FAM20C: variants seen among roughly 807,000 people sequenced by gnomAD.
FAM20C encodes FAM20C golgi associated secretory pathway kinase, also known as extracellular serine/threonine protein kinase FAM20C.
A neutral mutation model predicts 51.5 loss-of-function variants in FAM20C; 40 were observed. That is an observed-to-expected ratio of 0.78 (90% CI 0.60 to 1.01). The LOEUF (loss-of-function observed/expected upper bound fraction) is 1.01. Ranked by LOEUF, FAM20C falls within the 50% of genes least tolerant of loss-of-function variation. FAM20C has a pLI of 0.00. For missense variants in FAM20C, 861 were observed against 844.7 expected (o/e 1.02, Z -0.24); for synonymous variants, 406 against 380.6 (o/e 1.07, Z -0.78).
Position 206,842 on chromosome 7 carries a change from G to A in FAM20C, c.785-2056G>A, listed in dbSNP as rs377443842. The stretch of plus-strand genomic sequence containing the variant: ...ACTGTCCCCTCGGCCCCGCACACGT[G>A]TCCACTGTGAGGCGTCGGTCACGGT... On this transcript the variant is annotated intron_variant, in intron 2 of 9. Transcript: ENST00000313766. 1.2e-3 allele frequency among the ~76,000 whole-genome samples: 51 copies of A among 41,788 alleles called. 1 individual carries two copies. The highest frequency in any genetic ancestry group is 0.014 in the Middle Eastern group (1 of 70). The allele number at this position is 41,788 out of a possible 152,430, so 27.4% of individuals were successfully genotyped here. A position where few individuals can be genotyped will look rare whatever the true frequency, so the allele number is the denominator to read the frequency against.
At chr7:205,695 G>A (rs1255557051) in intron 2 of FAM20C, among the ~76,000 whole-genome samples, 1 of 152,156 alleles carries the variant, frequency 6.6e-6, no homozygotes, top group African/African-American at 2.4e-5. Context: ...CCTGCCTGGG[G>A]CCAGTACCAG....
intron 5 of FAM20C, among the ~76,000 whole-genome samples, chr7:250,951 A>C (rs1788372795): frequency 6.6e-6 from 1 of 152,236 alleles, no homozygotes; most frequent in African/African-American, 2.4e-5. Flanking sequence ...TCTGCATTGC[A>C]GACCAAGCTC....
intron 2 of FAM20C, among the ~76,000 whole-genome samples, chr7:199,335 A>G (rs1310148168): frequency 6.6e-6 from 1 of 152,238 alleles, no homozygotes; most frequent in Non-Finnish European, 1.5e-5. Context: ...CCTGCAACCA[A>G]GAACAGGGGT....
At chr7:250,181 A>G (rs1788341547) in intron 5 of FAM20C, among the ~76,000 whole-genome samples, 1 of 152,166 alleles carries the variant, frequency 6.6e-6, no homozygotes, top group Non-Finnish European at 1.5e-5. Context: ...TTTCCTGCAG[A>G]TGTTTCAGAT....
rs151275643 is a variant in FAM20C at position 260,513 on chromosome 7, G to C, written c.*533G>C. ...GGACGGGAGGAGGCTCTCGCTGGAC[G>C]TCTGGCCTGTGCGCTGGTGGACGGA... On this transcript the variant is annotated 3_prime_UTR_variant, in exon 10 of 10. Coordinates refer to ENST00000313766, the MANE Select transcript of FAM20C (RefSeq NM_020223.4). 3.3e-5 allele frequency: 5 copies of C among 152,424 alleles called. No individual in the cohort carries two copies. Among genetic ancestry groups the C allele is most frequent in the African/African-American group, 1.2e-4 (5 of 41,472 alleles). The allele number at this position is 152,424 out of a possible 1,614,324, so 9.4% of individuals were successfully genotyped here. A position where few individuals can be genotyped will look rare whatever the true frequency, so the allele number is the denominator to read the frequency against.
At chr7:258,959 C>T (rs1286047916) in intron 9 of FAM20C, among the ~76,000 whole-genome samples, 2 of 152,228 alleles carry the variant, frequency 1.3e-5, no homozygotes, top group Non-Finnish European at 2.9e-5. Flanking sequence ...TCCTGCCACC[C>T]CAGTTACAGA....
At chr7:208,620 C>CCTG (rs1786557309) in intron 2 of FAM20C, among the ~76,000 whole-genome samples, 1 of 144,876 alleles carries the variant, frequency 6.9e-6, no homozygotes. Flanking sequence ...ACGTGTGTGT[C>CCTG]CAGGTAAGCA....
chr7:194,903 C>T (rs1295642277), intron 1 of FAM20C, among the ~76,000 whole-genome samples: 1 of 152,234 alleles, frequency 6.6e-6, no homozygotes, highest in Non-Finnish European at 1.5e-5. Flanking sequence ...GGGTCTGTCC[C>T]TCCTCCAGAA....
intron 2 of FAM20C, among the ~76,000 whole-genome samples, chr7:207,358 A>ACGCGTTGGTCACTGTCCCCTC (rs1786471293): frequency 1.5e-5 from 2 of 132,126 alleles, no homozygotes; most frequent in East Asian, 5.2e-4. Flanking sequence ...ATCCACTGTG[A>ACGCGTTGGTCACTGTCCCCTC]GGCGTCGGTC....
At chr7:204,430 C>T (rs922292040) in intron 2 of FAM20C, among the ~76,000 whole-genome samples, 1 of 152,252 alleles carries the variant, frequency 6.6e-6, no homozygotes, top group African/African-American at 2.4e-5. Context: ...GAGCCCAGCC[C>T]CAGTCTTGAC....
At chr7:219,077 C>T (rs894341552) in intron 3 of FAM20C, among the ~76,000 whole-genome samples, 2 of 152,210 alleles carry the variant, frequency 1.3e-5, no homozygotes, top group Admixed American at 1.3e-4. Flanking sequence ...GAGGCTGGCC[C>T]CTCCTGGGGT....
At chr7:251,742 G>T (rs1247584656) in intron 5 of FAM20C, among the ~76,000 whole-genome samples, 1 of 152,122 alleles carries the variant, frequency 6.6e-6, no homozygotes, top group Non-Finnish European at 1.5e-5. Flanking sequence ...ACTTTATTAA[G>T]CGCTCCAGCA....
chr7:211,851 G>A lies in FAM20C; in HGVS notation c.863+2875G>A, dbSNP rs142296961. On this transcript the variant is annotated intron_variant, in intron 3 of 9. Coordinates refer to ENST00000313766, the MANE Select transcript of FAM20C (RefSeq NM_020223.4). The stretch of plus-strand genomic sequence containing the variant: ...CGTCTTCCCACAGGGCACGTGGCGG[G>A]CGGAGGCAGGGACCCCACACCTCAG... Among the ~76,000 whole-genome samples the A allele has an allele frequency of 4.9e-4, 74 of 152,360 alleles. 1 individual carries two copies. The East Asian group carries it at 0.012, about 24-fold the overall frequency.
chr7:232,077 C>G (rs1787712555), intron 3 of FAM20C, among the ~76,000 whole-genome samples: 1 of 152,248 alleles, frequency 6.6e-6, no homozygotes, highest in Non-Finnish European at 1.5e-5. Context: ...AGGCATCTGC[C>G]TCCCTCATCA....
At chr7:227,031 C>G (rs1296908888) in intron 3 of FAM20C, among the ~76,000 whole-genome samples, 1 of 152,122 alleles carries the variant, frequency 6.6e-6, no homozygotes, top group Non-Finnish European at 1.5e-5. Context: ...CTCAGCCTCC[C>G]CAGGCCGTCC....
chr7:257,347 CGGA>C (rs769265357), intron 8 of FAM20C: 6 of 512,244 alleles, frequency 1.2e-5, no homozygotes, highest in Non-Finnish European at 2.1e-5. Flanking sequence ...ACCTGGGAAA[CGGA>C]GGCCAGGAGA....
intron 8 of FAM20C, among the ~76,000 whole-genome samples, chr7:257,881 C>T (rs1788666768): frequency 7.3e-6 from 1 of 137,458 alleles, no homozygotes; most frequent in African/African-American, 3.0e-5. Context: ...GCTGGGTGGA[C>T]CCACTGCCCA....
chr7:217,702 G>A (rs553688742), intron 3 of FAM20C, among the ~76,000 whole-genome samples: 5 of 152,278 alleles, frequency 3.3e-5, no homozygotes, highest in Admixed American at 6.5e-5. Context: ...ACGTGGCCAC[G>A]TCCAGAGAGG....
intron 3 of FAM20C, among the ~76,000 whole-genome samples, chr7:215,236 G>GA (rs927244332): frequency 2.3e-5 from 3 of 129,710 alleles, no homozygotes; most frequent in African/African-American, 5.4e-5. Context: ...GCTGGGGGGG[G>GA]GAGCAGGGCC....
Sources: allele counts gnomAD v4.1 joint callset (sites outside exome capture counted in the v4.1 genomes callset), GRCh38; gene constraint gnomAD v4.1.1; transcripts MANE v1.5; gene names NCBI Gene and HGNC (gene_info 2026-07-23, HGNC 2026-07-21).